DLGAP1: variants seen among roughly 807,000 people sequenced by gnomAD.
DLGAP1 encodes disks large-associated protein 1.
In DLGAP1, 11 loss-of-function variants were observed where a neutral mutation model predicts 90.8. That is an observed-to-expected ratio of 0.12 (90% CI 0.08 to 0.20). The LOEUF (loss-of-function observed/expected upper bound fraction) is 0.20. Among genes scored for constraint, DLGAP1 ranks in the 10% least tolerant of loss-of-function variants. The probability of loss-of-function intolerance (pLI) is 1.00; values close to 1 mark genes in which losing one functional copy is unlikely to be tolerated. For synonymous variants in DLGAP1, 558 were observed against 540.7 expected, an observed-to-expected ratio of 1.03 and a Z score of -0.44; for missense variants, 1,050 against 1,333.8, an observed-to-expected ratio of 0.79 and a Z score of 3.31.
intron 1 of DLGAP1, among the ~76,000 whole-genome samples, chr18:4,420,771 C>G (rs2083011559): frequency 6.6e-6 from 1 of 152,200 alleles, no homozygotes; most frequent in African/African-American, 2.4e-5. Flanking sequence ...AATTCAACAT[C>G]TTGTTCCACT....
chr18:3,498,119 G>C lies in DLGAP1; in HGVS notation c.*1066C>G, dbSNP rs530529881. ...ATGTGTAGCATTCAAAGGGATGGTAGGAAAACCCAAACTCTTCTCCAAAAA... is the reference window on the plus strand; with the variant it reads ...ATGTGTAGCATTCAAAGGGATGGTACGAAAACCCAAACTCTTCTCCAAAAA... On this transcript the variant is annotated 3_prime_UTR_variant, in exon 13 of 13. Transcript: ENST00000315677. 9 of 152,332 alleles carry C rather than the reference G, an allele frequency of 5.9e-5. No individual in the cohort carries two copies. Among genetic ancestry groups the C allele is most frequent in the Admixed American group, 5.2e-4 (8 of 15,298 alleles). 9.4% of individuals were successfully genotyped at this position (152,332 alleles called of 1,614,324 possible).
chr18:4,340,587 A>T (rs2081168276), intron 1 of DLGAP1, among the ~76,000 whole-genome samples: 1 of 152,020 alleles, frequency 6.6e-6, no homozygotes, highest in African/African-American at 2.4e-5. Context: ...TTTAATGTCC[A>T]CAACAGCCCA....
chr18:4,006,667 A>G (rs1188589383), intron 2 of DLGAP1, among the ~76,000 whole-genome samples: 2 of 146,552 alleles, frequency 1.4e-5, no homozygotes, highest in East Asian at 4.0e-4. Flanking sequence ...TTTTTTTGAG[A>G]CAGGGTATTG....
intron 3 of DLGAP1, among the ~76,000 whole-genome samples, chr18:3,887,244 C>G (rs1488504082): frequency 2.6e-5 from 4 of 152,146 alleles, no homozygotes; most frequent in African/African-American, 7.2e-5. Flanking sequence ...ATTTTGTGTA[C>G]TGAACCTTGC....
intron 10 of DLGAP1, among the ~76,000 whole-genome samples, chr18:3,524,260 G>A (rs2051455367): frequency 1.3e-5 from 2 of 151,752 alleles, no homozygotes. Context: ...TGGTGACAAA[G>A]TGAGACCTTG....
chr18:3,664,181 T>TACAC (rs1491306501), intron 7 of DLGAP1, among the ~76,000 whole-genome samples: 3 of 129,088 alleles, frequency 2.3e-5, no homozygotes, highest in East Asian at 4.8e-4. Flanking sequence ...TATGGGTCAG[T>TACAC]ATACACACAC....
At chr18:4,403,278 T>A (rs937199103) in intron 1 of DLGAP1, among the ~76,000 whole-genome samples, 1 of 152,128 alleles carries the variant, frequency 6.6e-6, no homozygotes, top group Non-Finnish European at 1.5e-5. Context: ...CACCAAAAAG[T>A]CCACTTCCCT....
chr18:4,420,914 C>G (rs1353545097), intron 1 of DLGAP1, among the ~76,000 whole-genome samples: 3 of 152,162 alleles, frequency 2.0e-5, no homozygotes, highest in Non-Finnish European at 4.4e-5. Flanking sequence ...CCCTTAGTAT[C>G]TCTCTTTCCA....
Position 3,853,022 on chromosome 18 carries a change from G to T in DLGAP1, c.957+26090C>A, listed in dbSNP as rs182336675. Among the ~76,000 whole-genome samples, 25 of 151,956 alleles carry T rather than the reference G, an allele frequency of 1.6e-4. 1 individual carries two copies. The highest frequency in any genetic ancestry group is 2.7e-4 in the Non-Finnish European group (18 of 67,920). Reference sequence around the variant, plus strand: ...GAAACTAGTTGGGCATTTATTTTTTGTTGTTGTTGTTGTTCTAATTTCTAG... The same window carrying T: ...GAAACTAGTTGGGCATTTATTTTTTTTTGTTGTTGTTGTTCTAATTTCTAG... On this transcript the variant is annotated intron_variant, in intron 4 of 12. Coordinates refer to ENST00000315677, the MANE Select transcript of DLGAP1 (RefSeq NM_004746.4).
chr18:3,627,935 T>C (rs1022347122), intron 7 of DLGAP1, among the ~76,000 whole-genome samples: 1 of 135,464 alleles, frequency 7.4e-6, no homozygotes, highest in African/African-American at 2.8e-5. Context: ...CGGAGTGCAA[T>C]GGGGCGATCT....
At chr18:4,444,163 C>A (rs945365305) in intron 1 of DLGAP1, among the ~76,000 whole-genome samples, 2 of 152,202 alleles carry the variant, frequency 1.3e-5, no homozygotes, top group Non-Finnish European at 2.9e-5. Context: ...CCACTGTGAC[C>A]ACGAGGGAGA....
intron 5 of DLGAP1, among the ~76,000 whole-genome samples, chr18:3,748,660 C>G (rs1458189071): frequency 1.3e-5 from 2 of 152,144 alleles, no homozygotes; most frequent in Non-Finnish European, 2.9e-5. Flanking sequence ...CGTATTTGGC[C>G]TTGGTCATGA....
rs145342733 is a variant in DLGAP1 at position 4,318,217 on chromosome 18, A to G, written c.-267+136789T>C. Among the ~76,000 whole-genome samples the G allele has an allele frequency of 2.1e-3, 313 of 152,306 alleles. 2 individuals carry two copies. The highest frequency in any genetic ancestry group is 3.9e-3 in the Non-Finnish European group (265 of 68,020). ...CCCAAATATGGCAAATGGCTCAAAT[A>G]CTTCCCAGAAAACTTTTTATTTCCA... is the stretch of plus-strand genomic sequence containing the variant. On this transcript the variant is annotated intron_variant, in intron 1 of 12. Transcript: ENST00000315677.
chr18:4,073,176 C>T (rs2075474602), intron 2 of DLGAP1, among the ~76,000 whole-genome samples: 2 of 152,150 alleles, frequency 1.3e-5, no homozygotes, highest in Admixed American at 1.3e-4. Context: ...CATCAGCCTG[C>T]TTACTAGGCT....
intron 1 of DLGAP1, among the ~76,000 whole-genome samples, chr18:4,177,869 T>C (rs1431346533): frequency 6.6e-6 from 1 of 152,152 alleles, no homozygotes; most frequent in African/African-American, 2.4e-5. Flanking sequence ...GTCCTACCAT[T>C]GATGAGCATT....
chr18:4,079,613 C>T (rs2075575123), intron 2 of DLGAP1, among the ~76,000 whole-genome samples: 1 of 151,674 alleles, frequency 6.6e-6, no homozygotes, highest in Non-Finnish European at 1.5e-5. Context: ...ACAGGTGCAC[C>T]ACAATCTCAG....
chr18:4,336,194 T>A (rs2081064260), intron 1 of DLGAP1, among the ~76,000 whole-genome samples: 1 of 152,204 alleles, frequency 6.6e-6, no homozygotes, highest in African/African-American at 2.4e-5. Flanking sequence ...AAGATACGTA[T>A]GCACCATACA....
At chr18:4,211,881 T>C (rs753645042) in intron 1 of DLGAP1, among the ~76,000 whole-genome samples, 1 of 152,194 alleles carries the variant, frequency 6.6e-6, no homozygotes, top group Non-Finnish European at 1.5e-5. Context: ...TCACCCCTTC[T>C]CCTTTTTTTG....
chr18:3,880,185 G>T, intron 3 of DLGAP1, 45 bp from the exon 4 acceptor site: 1 of 935,316 alleles, frequency 1.1e-6, no homozygotes, highest in Non-Finnish European at 1.6e-6. Flanking sequence ...ATTTCTCTTG[G>T]AAATTAGGTA....
Sources: gnomAD v4.1 joint callset for allele counts (sites outside exome capture counted in the v4.1 genomes callset) on GRCh38, gnomAD v4.1.1 for gene constraint, MANE v1.5 for transcripts, NCBI Gene and HGNC (gene_info 2026-07-23, HGNC 2026-07-21) for gene names.